The following ZFPM2 variants were observed in gnomAD, a reference collection of about 807,000 sequenced individuals.
ZFPM2 encodes zinc finger protein, FOG family member 2, also known as zinc finger protein ZFPM2.
ZFPM2 carries 20 observed loss-of-function variants against 98.6 expected under a neutral mutation model. That is an observed-to-expected ratio of 0.20 (90% CI 0.14 to 0.29). ZFPM2 has a LOEUF of 0.29. Ranked by LOEUF, ZFPM2 falls within the 10% of genes least tolerant of loss-of-function variation. The probability of loss-of-function intolerance (pLI) is 1.00; values close to 1 mark genes in which losing one functional copy is unlikely to be tolerated. For synonymous variants in ZFPM2, 518 were observed against 502.7 expected (o/e 1.03, Z -0.41); for missense variants, 1,310 against 1,388.6 (o/e 0.94, Z 0.90).
At chr8:105,566,019 C>T (rs961488513) in intron 4 of ZFPM2, among the ~76,000 whole-genome samples, 7 of 152,112 alleles carry the variant, frequency 4.6e-5, no homozygotes, top group Non-Finnish European at 2.9e-5. Context: ...AGTTCGATAG[C>T]GGTCTTTGGG....
chr8:105,579,075 A>C (rs1815529553), intron 4 of ZFPM2, among the ~76,000 whole-genome samples: 1 of 152,152 alleles, frequency 6.6e-6, no homozygotes, highest in East Asian at 1.9e-4. Context: ...TACTAAAGAA[A>C]AAATTGTTTC....
rs538089022 is a variant in ZFPM2 at position 105,501,216 on chromosome 8, T to A, written c.301+56835T>A. ...TTTTTTTTTTGAGATGGAGTCTTGCTCTGTCGCCCAGGTTGCAGTGCAGTG... is the reference window on the plus strand; with the variant it reads ...TTTTTTTTTTGAGATGGAGTCTTGCACTGTCGCCCAGGTTGCAGTGCAGTG... On this transcript the variant is annotated intron_variant, in intron 3 of 7. Transcript: ENST00000407775. Among the ~76,000 whole-genome samples the A allele has an allele frequency of 1.1e-4, 16 of 150,688 alleles. No individual in the cohort carries two copies. The East Asian group carries it at 2.5e-3, about 24-fold the overall frequency.
At chr8:105,438,284 ATCTG>A (rs1247635061) in intron 2 of ZFPM2, among the ~76,000 whole-genome samples, 1 of 152,066 alleles carries the variant, frequency 6.6e-6, no homozygotes, top group East Asian at 1.9e-4. Flanking sequence ...CTCCCTATCA[ATCTG>A]TCTGTATCCT....
intron 5 of ZFPM2, among the ~76,000 whole-genome samples, chr8:105,659,619 A>C (rs1817350745): frequency 6.6e-6 from 1 of 152,230 alleles, no homozygotes; most frequent in Admixed American, 6.5e-5. Flanking sequence ...GGCTATACAG[A>C]TATTTGTATG....
intron 5 of ZFPM2, among the ~76,000 whole-genome samples, chr8:105,732,428 G>A (rs1301981791): frequency 1.3e-5 from 2 of 151,786 alleles, no homozygotes; most frequent in African/African-American, 2.4e-5. Flanking sequence ...TGCTAATGAG[G>A]ATCCCAGCTA....
intron 5 of ZFPM2, among the ~76,000 whole-genome samples, chr8:105,730,033 A>G (rs2131012234): frequency 6.6e-6 from 1 of 151,536 alleles, no homozygotes; most frequent in African/African-American, 2.4e-5. Flanking sequence ...TCACTTACCT[A>G]CTTATTTAAT....
At chr8:105,750,476 A>C (rs1303686305) in intron 5 of ZFPM2, among the ~76,000 whole-genome samples, 1 of 152,096 alleles carries the variant, frequency 6.6e-6, no homozygotes, top group Non-Finnish European at 1.5e-5. Flanking sequence ...TTTAAAATTA[A>C]TATCATTCAA....
At chr8:105,798,663 T>G (rs1813904194) in intron 6 of ZFPM2, 61 bp from the exon 7 acceptor site, 4 of 1,460,226 alleles carry the variant, frequency 2.7e-6, no homozygotes, top group Non-Finnish European at 3.8e-6. Context: ...AAATGCTGCT[T>G]TACCCACAGT....
At chr8:105,356,913 C>G (rs1272334322) in intron 1 of ZFPM2, among the ~76,000 whole-genome samples, 1 of 152,120 alleles carries the variant, frequency 6.6e-6, no homozygotes, top group South Asian at 2.1e-4. Context: ...CCAGGCTGAT[C>G]TTCTAAAAAC....
chr8:105,549,898 G>A (rs970735912), intron 3 of ZFPM2, among the ~76,000 whole-genome samples: 3 of 151,882 alleles, frequency 2.0e-5, no homozygotes, highest in African/African-American at 4.8e-5. Flanking sequence ...ACAGACATGA[G>A]CCATTGCACC....
intron 5 of ZFPM2, among the ~76,000 whole-genome samples, chr8:105,782,914 G>A (rs1813292465): frequency 6.6e-6 from 1 of 152,014 alleles, no homozygotes; most frequent in African/African-American, 2.4e-5. Flanking sequence ...AACATGTTTA[G>A]ATTCCTTAAA....
At chr8:105,521,115 ATG>A (rs1163876421) in intron 3 of ZFPM2, among the ~76,000 whole-genome samples, 8 of 140,954 alleles carry the variant, frequency 5.7e-5, no homozygotes, top group African/African-American at 2.3e-4. Flanking sequence ...AAATTTGTGT[ATG>A]TGTGTATATA....
chr8:105,425,297 A>G (rs1487314178), intron 2 of ZFPM2, among the ~76,000 whole-genome samples: 1 of 152,206 alleles, frequency 6.6e-6, no homozygotes, highest in African/African-American at 2.4e-5. Context: ...GCCTGCAGAA[A>G]GGAAAGGTTA....
intron 3 of ZFPM2, among the ~76,000 whole-genome samples, chr8:105,496,197 G>A (rs1480169698): frequency 6.6e-6 from 1 of 151,962 alleles, no homozygotes; most frequent in Non-Finnish European, 1.5e-5. Context: ...AGAGGTGTAG[G>A]GGGAGTTCTC....
chr8:105,476,870 A>G (rs935646661), intron 3 of ZFPM2, among the ~76,000 whole-genome samples: 5 of 152,076 alleles, frequency 3.3e-5, no homozygotes, highest in Non-Finnish European at 7.4e-5. Context: ...CAATGCCAGC[A>G]CTACAGCTTT....
At chr8:105,617,725 G>T (rs538764181) in intron 4 of ZFPM2, among the ~76,000 whole-genome samples, 1 of 152,278 alleles carries the variant, frequency 6.6e-6, no homozygotes, top group East Asian at 1.9e-4. Flanking sequence ...TGTGCAATCA[G>T]TGCTGAATTG....
At chr8:105,402,023 A>G (rs935593741) in intron 1 of ZFPM2, among the ~76,000 whole-genome samples, 1 of 152,062 alleles carries the variant, frequency 6.6e-6, no homozygotes, top group South Asian at 2.1e-4. Context: ...TGTTTCCTCA[A>G]TATGGCATTG....
intron 5 of ZFPM2, among the ~76,000 whole-genome samples, chr8:105,685,488 A>G (rs1810711548): frequency 6.6e-6 from 1 of 152,006 alleles, no homozygotes; most frequent in Non-Finnish European, 1.5e-5. Context: ...CAGTCAATAT[A>G]TTTTCTACTC....
intron 3 of ZFPM2, among the ~76,000 whole-genome samples, chr8:105,534,819 G>A (rs988139819): frequency 2.0e-5 from 3 of 152,146 alleles, no homozygotes; most frequent in Non-Finnish European, 2.9e-5. Flanking sequence ...TGTGAGTACT[G>A]GAGGAGATGA....
Sources: allele counts gnomAD v4.1 joint callset (sites outside exome capture counted in the v4.1 genomes callset), GRCh38; gene constraint gnomAD v4.1.1; transcripts MANE v1.5; gene names NCBI Gene and HGNC (gene_info 2026-07-23, HGNC 2026-07-21).